The following LIMS1 variants were observed in gnomAD, a reference collection of about 807,000 sequenced individuals.
LIMS1 encodes the protein LIM and senescent cell antigen-like-containing domain protein 1.
Under a neutral mutation model 44.1 loss-of-function variants are expected in LIMS1, and 18 were observed. The ratio of observed to expected loss-of-function variants is 0.41; its 90% CI spans 0.28 to 0.61. The LOEUF (loss-of-function observed/expected upper bound fraction) is 0.61. LIMS1 is among the 20% of genes least tolerant of loss of function. The probability of loss-of-function intolerance (pLI) is 0.32; values close to 1 mark genes in which losing one functional copy is unlikely to be tolerated. For synonymous variants in LIMS1, 93 were observed against 149.1 expected (o/e 0.62, Z 2.74); for missense variants, 201 against 422.0 (o/e 0.48, Z 4.59).
At chr2:108,682,803 A>C (rs1693090018) in intron 9 of LIMS1, among the ~76,000 whole-genome samples, 3 of 152,234 alleles carry the variant, frequency 2.0e-5, no homozygotes. Flanking sequence ...CAGATTTTAT[A>C]ATTTTTGTCA....
chr2:108,585,583 G>A (rs1686067195), intron 1 of LIMS1, among the ~76,000 whole-genome samples: 1 of 152,096 alleles, frequency 6.6e-6, no homozygotes, highest in South Asian at 2.1e-4. Flanking sequence ...CATGAGATTT[G>A]TTGAAGTCAT....
At chr2:108,595,314 C>G (rs1191943658) in intron 1 of LIMS1, among the ~76,000 whole-genome samples, 2 of 152,058 alleles carry the variant, frequency 1.3e-5, no homozygotes, top group South Asian at 4.2e-4. Context: ...TCTTCCAGTG[C>G]CTTTTTCAGA....
intron 1 of LIMS1, among the ~76,000 whole-genome samples, chr2:108,587,127 C>G (rs1686138959): frequency 6.6e-6 from 1 of 152,086 alleles, no homozygotes; most frequent in African/African-American, 2.4e-5. Flanking sequence ...TTTAGCTTGT[C>G]TTGGATGTGC....
chr2:108,651,400 C>T (rs573727469), intron 1 of LIMS1, among the ~76,000 whole-genome samples: 2 of 152,254 alleles, frequency 1.3e-5, no homozygotes. Flanking sequence ...TTTTCCCTCC[C>T]AACTCCCAGT....
intron 1 of LIMS1, among the ~76,000 whole-genome samples, chr2:108,552,585 G>GGTGTGTGTGCGT (rs1684792049): frequency 9.8e-6 from 1 of 101,872 alleles, no homozygotes; most frequent in South Asian, 2.8e-4. Flanking sequence ...ATATATTTTG[G>GGTGTGTGTGCGT]GTGTGTGTGT....
rs961206670 is a variant in LIMS1 at position 108,569,767 on chromosome 2, T to C, written c.32+35173T>C. On this transcript the variant is annotated intron_variant, in intron 1 of 9. Coordinates refer to ENST00000544547, the Ensembl canonical transcript of LIMS1. ...AAACACTCACCGCCATATCTGGCTT[T>C]TTTTTTTTTTTTTTTTAGTGATGAG... is the stretch of plus-strand genomic sequence containing the variant. Among the ~76,000 whole-genome samples, 307 of 130,554 alleles carry C rather than the reference T, an allele frequency of 2.4e-3. 22 individuals carry two copies. Among genetic ancestry groups the C allele is most frequent in the Non-Finnish European group, 4.4e-3 (253 of 57,760 alleles). The allele number at this position is 130,554 out of a possible 152,430, so 85.6% of individuals were successfully genotyped here. A position where few individuals can be genotyped will look rare whatever the true frequency, so the allele number is the denominator to read the frequency against.
At chr2:108,665,684 G>A (rs1366151726) in intron 2 of LIMS1, among the ~76,000 whole-genome samples, 10 of 151,714 alleles carry the variant, frequency 6.6e-5, no homozygotes, top group South Asian at 2.1e-4. Context: ...ATGCCACCAC[G>A]TCTGGCTAAT....
At chr2:108,683,503 G>T (rs796597010) in intron 9 of LIMS1, among the ~76,000 whole-genome samples, 13 of 133,884 alleles carry the variant, frequency 9.7e-5, no homozygotes, top group African/African-American at 3.7e-4. Context: ...GATCACCACT[G>T]CACTCCAGCC....
At chr2:108,622,479 T>G (rs1408326326) in intron 1 of LIMS1, among the ~76,000 whole-genome samples, 1 of 152,192 alleles carries the variant, frequency 6.6e-6, no homozygotes, top group Non-Finnish European at 1.5e-5. Context: ...ATTTTAAAAT[T>G]GTTGACTCAC....
chr2:108,621,402 G>T, intron 1 of LIMS1: 1 of 1,551,092 alleles, frequency 6.4e-7, no homozygotes. Flanking sequence ...GTCTCTACAG[G>T]AGAAGACGAG....
At chr2:108,534,020 C>G (rs1350751497), upstream of LIMS1, 1 of 153,372 alleles carries the variant, frequency 6.5e-6, no homozygotes, top group African/African-American at 2.4e-5. Context: ...GCCAGGGCCG[C>G]GCAGCCACGC....
At chr2:108,627,047 A>T (rs1300591072) in intron 1 of LIMS1, among the ~76,000 whole-genome samples, 1 of 152,166 alleles carries the variant, frequency 6.6e-6, no homozygotes, top group Non-Finnish European at 1.5e-5. Flanking sequence ...TAGCTATTTT[A>T]TATATACACT....
intron 1 of LIMS1, chr2:108,621,248 G>A: frequency 6.6e-7 from 1 of 1,503,928 alleles, no homozygotes; most frequent in East Asian, 2.5e-5. Flanking sequence ...CTAAGGCTGA[G>A]TCAGGTGTGC....
At chr2:108,669,210 C>G (rs1326293687) in intron 2 of LIMS1, among the ~76,000 whole-genome samples, 1 of 152,126 alleles carries the variant, frequency 6.6e-6, no homozygotes, top group Non-Finnish European at 1.5e-5. Flanking sequence ...GAGTTCGAGA[C>G]CAGCCTGGCC....
At chr2:108,570,329 C>T (rs1431423491) in intron 1 of LIMS1, among the ~76,000 whole-genome samples, 1 of 152,078 alleles carries the variant, frequency 6.6e-6, no homozygotes, top group Non-Finnish European at 1.5e-5. Context: ...ACTCGGGTGG[C>T]TGAAGTAGGA....
At chr2:108,625,036 G>A (rs1475867164) in intron 1 of LIMS1, among the ~76,000 whole-genome samples, 3 of 152,200 alleles carry the variant, frequency 2.0e-5, no homozygotes, top group Non-Finnish European at 4.4e-5. Context: ...CCGAGATCAC[G>A]CCGTTGCACT....
At chr2:108,593,444 C>T (rs148562986) in intron 1 of LIMS1, among the ~76,000 whole-genome samples, 27 of 152,340 alleles carry the variant, frequency 1.8e-4, no homozygotes, top group African/African-American at 6.3e-4. Context: ...GCCGGAGTTA[C>T]TTCTCCATCC....
chr2:108,643,669 C>T (rs767020161), intron 1 of LIMS1, among the ~76,000 whole-genome samples: 1 of 131,262 alleles, frequency 7.6e-6, no homozygotes, highest in Non-Finnish European at 1.7e-5. Context: ...AAGACAGAAA[C>T]ATTCACTCCC....
intron 1 of LIMS1, among the ~76,000 whole-genome samples, chr2:108,635,987 C>A (rs184904443): frequency 6.6e-6 from 1 of 152,114 alleles, no homozygotes; most frequent in African/African-American, 2.4e-5. Context: ...AAAACCCACA[C>A]GCTAATTTGA....
Sources: gnomAD v4.1 joint callset for allele counts (sites outside exome capture counted in the v4.1 genomes callset) on GRCh38, gnomAD v4.1.1 for gene constraint, MANE v1.5 for transcripts, NCBI Gene and HGNC (gene_info 2026-07-23, HGNC 2026-07-21) for gene names.